The following ZNF585A variants were observed in gnomAD, a reference collection of about 807,000 sequenced individuals.
ZNF585A encodes zinc finger protein 585A.
Under a neutral mutation model 14.9 loss-of-function variants are expected in ZNF585A, and 9 were observed. That is an observed-to-expected ratio of 0.60 (90% CI 0.36 to 1.05). The LOEUF (loss-of-function observed/expected upper bound fraction) is 1.05. Among genes scored for constraint, ZNF585A ranks in the 50% least tolerant of loss-of-function variants. The pLI is 0.01. For synonymous variants in ZNF585A, 276 were observed against 319.9 expected (o/e 0.86, Z 1.46); for missense variants, 726 against 926.4 (o/e 0.78, Z 2.81).
In ZNF585A at chr19:37,147,888, G is replaced by A. The variant is rs1971764988; in HGVS notation, c.*3701C>T. The A allele has an allele frequency of 6.6e-6, 1 of 152,190 alleles. No individual in the cohort carries two copies. Among genetic ancestry groups the A allele is most frequent in the African/African-American group, 2.4e-5 (1 of 41,452 alleles). 9.4% of individuals were successfully genotyped at this position (152,190 alleles called of 1,614,324 possible). ...CTTTATGTCTGAGCAGCCCTCCATA[G>A]TATTGGTGTACACAATTTGTTTAAT... On this transcript the variant is annotated 3_prime_UTR_variant, in exon 5 of 5. Coordinates refer to ENST00000292841, the MANE Select transcript of ZNF585A (RefSeq NM_001288800.2).
chr19:37,149,218 G>A lies in ZNF585A; in HGVS notation c.*2371C>T, dbSNP rs1310519181. On this transcript the variant is annotated 3_prime_UTR_variant, in exon 5 of 5. Coordinates refer to ENST00000292841, the MANE Select transcript of ZNF585A (RefSeq NM_001288800.2). The stretch of plus-strand genomic sequence containing the variant: ...TTGTAACAAATATACTACTCTGAGA[G>A]GAATGCTGATAATGTGGGAGGCTAT... 1.3e-5 allele frequency: 2 copies of A among 152,108 alleles called. No homozygotes were observed. The highest frequency in any genetic ancestry group is 6.5e-5 in the Admixed American group (1 of 15,272). 9.4% of individuals were successfully genotyped at this position (152,108 alleles called of 1,614,324 possible). A position where few individuals can be genotyped will look rare whatever the true frequency, so the allele number is the denominator to read the frequency against.
intron 1 of ZNF585A, among the ~76,000 whole-genome samples, chr19:37,170,952 TA>T (rs1972171898): frequency 6.6e-6 from 1 of 152,094 alleles, no homozygotes; most frequent in African/African-American, 2.4e-5. Flanking sequence ...AACAATGTAA[TA>T]AAAACAAGTA....
At position 37,152,643 on chromosome 19, in the gene ZNF585A, A is replaced by C; in HGVS notation, c.1256T>G (p.Phe419Cys). 1 of 1,614,064 alleles carries C rather than the reference A, an allele frequency of 6.2e-7. No individual in the cohort carries two copies. Among genetic ancestry groups the C allele is most frequent in the Non-Finnish European group, 8.5e-7 (1 of 1,179,964 alleles). ...SYICMKCGLA[F>C]IQKAHLIAHQ... ...TGCAATCAAGTGTGCCTTCTGAATGAAGGCCAGTCCACATTTCATGCATAT... is the reference window on the plus strand; with the variant it reads ...TGCAATCAAGTGTGCCTTCTGAATGCAGGCCAGTCCACATTTCATGCATAT... Residue 419 changes from phenylalanine (F) to cysteine (C), a missense_variant, in exon 5 of 5, where the codon TTC becomes TGC. Coordinates refer to ENST00000292841, the MANE Select transcript of ZNF585A (RefSeq NM_001288800.2).
At chr19:37,166,349 T>C (rs1417372000) in intron 2 of ZNF585A, among the ~76,000 whole-genome samples, 1 of 146,092 alleles carries the variant, frequency 6.8e-6, no homozygotes, top group Non-Finnish European at 1.5e-5. Context: ...AGTCTCGCTC[T>C]CGCTCTGTCC....
At chr19:37,156,408 A>T in intron 2 of ZNF585A, 53 bp from the exon 3 acceptor site, 1 of 1,594,846 alleles carries the variant, frequency 6.3e-7, no homozygotes, top group Non-Finnish European at 8.5e-7. Context: ...AGGGTTGGAG[A>T]GACTATATTT....
In ZNF585A at chr19:37,145,920, T is replaced by G. The variant is rs1409583984; in HGVS notation, c.*5669A>C. 6.6e-6 allele frequency: 1 copy of G among 152,348 alleles called. No homozygotes were observed. Among genetic ancestry groups the G allele is most frequent in the East Asian group, 1.9e-4 (1 of 5,190 alleles). The allele number at this position is 152,348 out of a possible 1,614,324, so 9.4% of individuals were successfully genotyped here. ...ATAATAATGACAAGGATTCTGATAT[T>G]TGTTATAAAGTATAATTGTGTTGAT... On this transcript the variant is annotated 3_prime_UTR_variant, in exon 5 of 5. Transcript: ENST00000292841.
At position 37,152,009 on chromosome 19, in the gene ZNF585A, T is replaced by C; in HGVS notation, c.1890A>G (p.Gly630=). 1 of 1,613,572 alleles carries C rather than the reference T, an allele frequency of 6.2e-7. No homozygotes were observed. Among genetic ancestry groups the C allele is most frequent in the Non-Finnish European group, 8.5e-7 (1 of 1,179,702 alleles). ...QLLVHQPVHT[G]EKPYVCAECG... is the part of the protein sequence containing the mutation. ...ACTCGGCACACACATAGGGTTTCTC[T>C]CCTGTGTGAACTGGCTGATGCACCA... Residue 630 remains glycine, a synonymous_variant, in exon 5 of 5, where the codon GGA becomes GGG. Coordinates refer to ENST00000292841, the MANE Select transcript of ZNF585A (RefSeq NM_001288800.2).
At chr19:37,166,480 C>T (rs564231319) in intron 2 of ZNF585A, among the ~76,000 whole-genome samples, 4 of 151,746 alleles carry the variant, frequency 2.6e-5, no homozygotes, top group Admixed American at 2.0e-4. Context: ...CCACCACATC[C>T]GGCTAATTTT....
In ZNF585A at chr19:37,155,918, T is replaced by G; in HGVS notation, c.239A>C (p.Gln80Pro). The change falls in exon 4 of 5, where the codon CAA becomes CCA. Residue 80 changes from glutamine (Q) to proline (P), a missense_variant. This residue lies in a region of ZNF585A where 483 missense variants were observed against 542.8 expected (regional missense o/e 0.89). Coordinates refer to ENST00000292841, the MANE Select transcript of ZNF585A (RefSeq NM_001288800.2). ...CTGCAGTGCCCATGGTTCCTTTCCT[T>G]GCTCCAACATGACCACCTCTGCTTC... ...VPEAEVVMLE[Q>P]GKEPWALQGE... 6.2e-7 allele frequency: 1 copy of G among 1,612,784 alleles called. No individual in the cohort carries two copies.
intron 3 of ZNF585A, 64 bp from the exon 4 acceptor site, chr19:37,156,021 T>A: frequency 6.2e-7 from 1 of 1,604,716 alleles, no homozygotes; most frequent in Non-Finnish European, 8.5e-7. Flanking sequence ...CAACCAATAA[T>A]CTCTTATTCT....
chr19:37,151,120 C>A lies in ZNF585A; in HGVS notation c.*469G>T. 2.7e-6 allele frequency: 1 copy of A among 374,456 alleles called. No individual in the cohort carries two copies. 23.2% of individuals were successfully genotyped at this position (374,456 alleles called of 1,614,324 possible). On this transcript the variant is annotated 3_prime_UTR_variant, in exon 5 of 5. Transcript: ENST00000292841. Reference sequence around the variant, plus strand: ...TAGATTCGAATGAGAAAGAAAAACACCCAGGAGTCTGTTACACAATGTGTT... The same window carrying A: ...TAGATTCGAATGAGAAAGAAAAACAACCAGGAGTCTGTTACACAATGTGTT...
chr19:37,152,570 A>G lies in ZNF585A; in HGVS notation c.1329T>C (p.Cys443=), dbSNP rs748998571. ...GCGACTTGGAGGTAAACAATTTCCC[A>G]CAGTGACCACATTTATGAGGTTTCT... ...TGEKPHKCGH[C]GKLFTSKSQL... Residue 443 remains cysteine, a synonymous_variant, in exon 5 of 5, where the codon TGT becomes TGC. Coordinates refer to ENST00000292841, the MANE Select transcript of ZNF585A (RefSeq NM_001288800.2). 6.2e-7 allele frequency: 1 copy of G among 1,614,150 alleles called. No individual in the cohort carries two copies. The highest frequency in any genetic ancestry group is 8.5e-7 in the Non-Finnish European group (1 of 1,179,992).
intron 2 of ZNF585A, among the ~76,000 whole-genome samples, chr19:37,157,410 C>T (rs1971948342): frequency 6.6e-6 from 1 of 152,108 alleles, no homozygotes; most frequent in Non-Finnish European, 1.5e-5. Context: ...CTTCTAGCAA[C>T]TTAAAAGACT....
intron 2 of ZNF585A, among the ~76,000 whole-genome samples, chr19:37,163,423 T>C (rs1972039821): frequency 7.0e-6 from 1 of 143,834 alleles, no homozygotes; most frequent in Admixed American, 6.9e-5. Context: ...GAAAAATAAA[T>C]TAACAGAACT....
At chr19:37,169,801 G>T in intron 2 of ZNF585A, 38 bp downstream of exon 2, 6 of 1,605,348 alleles carry the variant, frequency 3.7e-6, no homozygotes, top group Non-Finnish European at 5.1e-6. Context: ...CCTAGTCCTG[G>T]ATTGAATTCC....
chr19:37,153,021 G>C lies in ZNF585A; in HGVS notation c.878C>G (p.Thr293Ser), dbSNP rs375962026. Residue 293 changes from threonine to serine, a missense_variant, in exon 5 of 5, where the codon ACT (threonine) becomes AGT (serine). Physicochemically the swap from Thr to Ser is moderately conservative, Grantham distance 58. Coordinates refer to ENST00000292841, the MANE Select transcript of ZNF585A (RefSeq NM_001288800.2). The stretch of plus-strand genomic sequence containing the variant: ...ACTGCACTCATATGGTTTTTCTCCA[G>C]TATGAATTCTTCGGTGTGCAATCAA... ...THLIAHRRIHTGEKPYECSNC... is the reference protein window; with the variant it reads ...THLIAHRRIHSGEKPYECSNC... 2.8e-5 allele frequency: 45 copies of C among 1,614,204 alleles called. No homozygotes were observed. The South Asian group carries it at 2.9e-4, about 10-fold the overall frequency.
At chr19:37,158,413 T>G (rs1405084904) in intron 2 of ZNF585A, among the ~76,000 whole-genome samples, 28 of 152,188 alleles carry the variant, frequency 1.8e-4, no homozygotes, top group Non-Finnish European at 1.5e-5. Context: ...CATGGCATAG[T>G]AATTAATTTC....
chr19:37,163,556 G>C (rs141058180), intron 2 of ZNF585A, among the ~76,000 whole-genome samples: 2 of 151,536 alleles, frequency 1.3e-5, no homozygotes, highest in African/African-American at 4.8e-5. Flanking sequence ...AGCAACATGA[G>C]ACGGAAATAA....
chr19:37,163,936 A>G (rs2145411756), intron 2 of ZNF585A, among the ~76,000 whole-genome samples: 1 of 152,318 alleles, frequency 6.6e-6, no homozygotes, highest in African/African-American at 2.4e-5. Flanking sequence ...GGATGACATT[A>G]AAAAGATGAC....
Sources: allele counts gnomAD v4.1 joint callset (sites outside exome capture counted in the v4.1 genomes callset), GRCh38; gene constraint gnomAD v4.1.1; regional missense constraint gnomAD v4.1.1; transcripts MANE v1.5; gene names NCBI Gene and HGNC (gene_info 2026-07-23, HGNC 2026-07-21).